Variants in MAN2A1 observed in about 807,000 individuals in gnomAD.
MAN2A1 encodes mannosidase alpha class 2A member 1, also known as alpha-mannosidase 2.
Under a neutral mutation model 142.6 loss-of-function variants are expected in MAN2A1, and 76 were observed. That is an observed-to-expected ratio of 0.53 (90% CI 0.44 to 0.65). The LOEUF is 0.65. Ranked by LOEUF, MAN2A1 falls within the 30% of genes least tolerant of loss-of-function variation. The pLI is 0.00. For missense variants in MAN2A1, 1,311 were observed against 1,365.1 expected, an observed-to-expected ratio of 0.96 and a Z score of 0.62; for synonymous variants, 559 against 473.2, an observed-to-expected ratio of 1.18 and a Z score of -2.35.
At chr5:109,790,408 CTA>C (rs1308499776) in intron 12 of MAN2A1, among the ~76,000 whole-genome samples, 1 of 151,778 alleles carries the variant, frequency 6.6e-6, no homozygotes, top group African/African-American at 2.4e-5. Context: ...TCTTAGTTGT[CTA>C]AATTTCTTTA....
intron 7 of MAN2A1, among the ~76,000 whole-genome samples, chr5:109,772,419 A>G (rs10072119): frequency 0.084 from 12,810 of 152,222 alleles, 637 homozygotes; most frequent in African/African-American, 0.15. Context: ...TGTTAACTCT[A>G]CTGGTTACCT....
At chr5:109,751,424 G>A (rs998025909) in intron 4 of MAN2A1, among the ~76,000 whole-genome samples, 1 of 151,830 alleles carries the variant, frequency 6.6e-6, no homozygotes, top group Non-Finnish European at 1.5e-5. Flanking sequence ...GGTTGATTCC[G>A]ATCTTTGGTG....
intron 9 of MAN2A1, 142 bp from the exon 10 acceptor site, chr5:109,784,602 C>T: frequency 1.7e-6 from 1 of 594,452 alleles, no homozygotes; most frequent in East Asian, 2.9e-5. Flanking sequence ...TTTATATGAA[C>T]TATTATTACC....
chr5:109,770,350 T>C lies in MAN2A1; in HGVS notation c.1010-5T>C, dbSNP rs1190879339. ...GCAGGTTTGTGTGTTGGCTCTTTAT[T>C]TTAGATCTGGGATCTGTCACAGATA... On this transcript the variant is annotated splice_region_variant and splice_polypyrimidine_tract_variant and intron_variant, in intron 6 of 21. Coordinates refer to ENST00000261483, the MANE Select transcript of MAN2A1 (RefSeq NM_002372.4). The C allele has an allele frequency of 6.2e-7, 1 of 1,608,992 alleles. No homozygotes were observed. The highest frequency in any genetic ancestry group is 1.3e-5 in the African/African-American group (1 of 74,804).
intron 19 of MAN2A1, among the ~76,000 whole-genome samples, chr5:109,850,466 A>T (rs1343503435): frequency 5.3e-5 from 8 of 152,216 alleles, no homozygotes; most frequent in Non-Finnish European, 8.8e-5. Flanking sequence ...TATTTAGAAT[A>T]TTTTAGAAAA....
At chr5:109,782,749 A>C (rs1245537459) in intron 9 of MAN2A1, among the ~76,000 whole-genome samples, 16 of 152,146 alleles carry the variant, frequency 1.1e-4, no homozygotes, top group Admixed American at 9.2e-4. Context: ...GTAATATGCC[A>C]GAAAAATGTC....
rs369583107 is a variant in MAN2A1 at position 109,774,743 on chromosome 5, G to A, written c.1197-45G>A. The A allele has an allele frequency of 4.8e-6, 7 of 1,460,640 alleles. No individual in the cohort carries two copies. The African/African-American group carries it at 8.7e-5, about 18-fold the overall frequency. The allele number at this position is 1,460,640 out of a possible 1,614,324, so 90.5% of individuals were successfully genotyped here. A position where few individuals can be genotyped will look rare whatever the true frequency, so the allele number is the denominator to read the frequency against. On this transcript the variant is annotated intron_variant, in intron 7 of 21. Coordinates refer to ENST00000261483, the MANE Select transcript of MAN2A1 (RefSeq NM_002372.4). ...CAATTGTCACATTCACTTTTTCTTA[G>A]TCAAATTCATATTTGCTGTTTTTTT...
intron 4 of MAN2A1, among the ~76,000 whole-genome samples, chr5:109,733,786 G>A (rs1392452566): frequency 6.6e-6 from 1 of 152,078 alleles, no homozygotes; most frequent in Non-Finnish European, 1.5e-5. Context: ...GAGGATTTTT[G>A]CATCATTGTT....
At chr5:109,741,423 C>T (rs1473397894) in intron 4 of MAN2A1, among the ~76,000 whole-genome samples, 1 of 152,008 alleles carries the variant, frequency 6.6e-6, no homozygotes, top group Non-Finnish European at 1.5e-5. Flanking sequence ...AAGTTTGCTC[C>T]TGTTATTTAA....
chr5:109,704,898 A>G (rs920307643), intron 1 of MAN2A1, among the ~76,000 whole-genome samples: 1 of 152,094 alleles, frequency 6.6e-6, no homozygotes. Flanking sequence ...ATTTGTTCCC[A>G]TTGCTTGAAA....
intron 1 of MAN2A1, 35 bp downstream of exon 1, chr5:109,690,587 G>A (rs1750638146): frequency 5.8e-6 from 9 of 1,557,818 alleles, no homozygotes; most frequent in Non-Finnish European, 7.8e-6. Flanking sequence ...GGGCTCCGAG[G>A]GGCCAGGCGT....
intron 20 of MAN2A1, chr5:109,864,394 T>C (rs557991314): frequency 6.6e-6 from 1 of 152,346 alleles, no homozygotes; most frequent in East Asian, 1.9e-4. Context: ...TGACTTGTCA[T>C]GTTTAGTATT....
intron 1 of MAN2A1, among the ~76,000 whole-genome samples, chr5:109,711,696 G>A (rs1180878730): frequency 1.3e-5 from 2 of 152,212 alleles, no homozygotes; most frequent in African/African-American, 4.8e-5. Context: ...CCTTTGCTTT[G>A]CCATTTCCAG....
chr5:109,757,160 T>C (rs73219347), intron 5 of MAN2A1, among the ~76,000 whole-genome samples: 16,220 of 152,110 alleles, frequency 0.11, 1,232 homozygotes, highest in African/African-American at 0.23. Context: ...CGACAATATG[T>C]TGAGACCTGT....
intron 17 of MAN2A1, among the ~76,000 whole-genome samples, chr5:109,843,305 G>A (rs1414480973): frequency 2.6e-5 from 4 of 152,216 alleles, no homozygotes; most frequent in South Asian, 2.1e-4. Context: ...CAGGGGAACT[G>A]CCATTTATAA....
intron 19 of MAN2A1, among the ~76,000 whole-genome samples, chr5:109,850,741 G>C (rs1049131128): frequency 1.3e-5 from 2 of 152,140 alleles, no homozygotes; most frequent in African/African-American, 4.8e-5. Flanking sequence ...TGACTTAGAA[G>C]TGAAATAATT....
At chr5:109,732,975 T>C (rs1188954478) in intron 4 of MAN2A1, among the ~76,000 whole-genome samples, 1 of 152,262 alleles carries the variant, frequency 6.6e-6, no homozygotes, top group Admixed American at 6.5e-5. Context: ...TTTCACAATA[T>C]TGATTCTTTC....
chr5:109,725,026 C>T (rs1751703805), intron 3 of MAN2A1, among the ~76,000 whole-genome samples: 1 of 151,982 alleles, frequency 6.6e-6, no homozygotes, highest in Non-Finnish European at 1.5e-5. Context: ...TGAACTCTTG[C>T]TCTTATATGT....
intron 12 of MAN2A1, among the ~76,000 whole-genome samples, chr5:109,803,976 ACTTAGTT>A (rs1282803694): frequency 1.3e-5 from 2 of 152,074 alleles, no homozygotes; most frequent in African/African-American, 2.4e-5. Flanking sequence ...TTTCTTGCAA[ACTTAGTT>A]CTCTGTCCAC....
Sources: allele counts gnomAD v4.1 joint callset (sites outside exome capture counted in the v4.1 genomes callset), GRCh38; gene constraint gnomAD v4.1.1; transcripts MANE v1.5; gene names NCBI Gene and HGNC (gene_info 2026-07-23, HGNC 2026-07-21).